Variants in RAB44 observed in about 807,000 individuals in gnomAD.
RAB44 encodes ras-related protein Rab-44.
RAB44 carries 67 observed loss-of-function variants against 93.3 expected under a neutral mutation model. The observed-to-expected ratio is 0.72, with a 90% CI of 0.59 to 0.88. The LOEUF is 0.88. Among genes scored for constraint, RAB44 ranks in the 40% least tolerant of loss-of-function variants. The pLI, the probability that RAB44 is intolerant of heterozygous loss-of-function variation, is 0.00. For missense variants in RAB44, 1,064 were observed against 1,261.7 expected (o/e 0.84, Z 2.37); for synonymous variants, 427 against 520.3 (o/e 0.82, Z 2.44).
intron 1 of RAB44, among the ~76,000 whole-genome samples, chr6:36,703,091 A>T (rs1762551254): frequency 6.6e-6 from 1 of 152,246 alleles, no homozygotes; most frequent in Non-Finnish European, 1.5e-5. Context: ...GAGGCTAGAA[A>T]GTTCAAGATT....
In RAB44 at chr6:36,715,510, C is replaced by CA; in HGVS notation, c.352dup (p.Arg118LysfsTer11). 1.3e-6 allele frequency: 2 copies of CA among 1,536,162 alleles called. No individual in the cohort carries two copies. Among genetic ancestry groups the CA allele is most frequent in the Non-Finnish European group, 1.7e-6 (2 of 1,146,910 alleles). The stretch of plus-strand genomic sequence containing the variant: ...TCTTTGGCTCCAGCCAGAGCCCCCA[C>CA]AGGCTCCGCAGAAGGAAGCCACTGC... On this transcript the variant is annotated frameshift_variant, in exon 4 of 14. Coordinates refer to ENST00000612677, the MANE Select transcript of RAB44 (RefSeq NM_001257357.2). LOFTEE classifies it high-confidence loss of function.
chr6:36,727,980 A>T (rs1173515551), intron 11 of RAB44, among the ~76,000 whole-genome samples: 1 of 152,202 alleles, frequency 6.6e-6, no homozygotes, highest in African/African-American at 2.4e-5. Context: ...AGGCTAATGT[A>T]GTTCTTGTGC....
intron 12 of RAB44, 132 bp downstream of exon 12, chr6:36,728,933 C>T: frequency 1.4e-6 from 1 of 726,586 alleles, no homozygotes. Context: ...CTGCCCCAAC[C>T]AAAGGCCTGT....
At position 36,713,862 on chromosome 6, in the gene RAB44, A is replaced by G; in HGVS notation, c.242A>G (p.Glu81Gly). The G allele has an allele frequency of 6.5e-7, 1 of 1,536,066 alleles. No individual in the cohort carries two copies. The highest frequency in any genetic ancestry group is 1.4e-5 in the African/African-American group (1 of 73,154). Residue 81 changes from glutamate to glycine, a missense_variant, in exon 3 of 14, where the codon GAG (glutamate) becomes GGG (glycine). Transcript: ENST00000612677. ...AKFSFLGSKE[E>G]SEMIFDWVDV... is the part of the protein sequence containing the mutation. ...TTCAGCTTCCTGGGCAGCAAGGAAG[A>G]GTCAGAGATGATCTTCGACTGGGTG...
chr6:36,706,598 A>C (rs1762655624), intron 2 of RAB44, among the ~76,000 whole-genome samples: 1 of 152,214 alleles, frequency 6.6e-6, no homozygotes, highest in Non-Finnish European at 1.5e-5. Flanking sequence ...CCATAAAAAG[A>C]CACTCCAGGT....
chr6:36,731,994 G>A lies in RAB44; in HGVS notation c.2976-9G>A, dbSNP rs1763374151. ...AGAGAGAGGCCTGATGCCTGGCACT[G>A]TCACATAGGTCACTCAGGATGCAAG... On this transcript the variant is annotated splice_polypyrimidine_tract_variant and intron_variant, in intron 13 of 13. Transcript: ENST00000612677. This position sits in a 1 kb window ranked among gnomAD's most constrained non-coding sequence, Gnocchi z 4.0. The A allele has an allele frequency of 6.5e-6, 8 of 1,233,730 alleles. No homozygotes were observed. The highest frequency in any genetic ancestry group is 8.1e-6 in the Non-Finnish European group (8 of 988,014). 76.4% of individuals were successfully genotyped at this position (1,233,730 alleles called of 1,614,324 possible).
At chr6:36,730,247 C>T (rs1763330075) in intron 12 of RAB44, among the ~76,000 whole-genome samples, 1 of 152,144 alleles carries the variant, frequency 6.6e-6, no homozygotes, top group Non-Finnish European at 1.5e-5. Flanking sequence ...AACAGAATGG[C>T]AATATCTACC....
intron 2 of RAB44, among the ~76,000 whole-genome samples, chr6:36,713,486 G>A (rs199763901): frequency 1.2e-4 from 18 of 152,246 alleles, no homozygotes; most frequent in Admixed American, 9.2e-4. Context: ...TTGAGCCACC[G>A]CGCCTGGCCT....
Position 36,727,771 on chromosome 6 carries a change from C to T in RAB44, c.2796+80C>T, listed in dbSNP as rs1463636111. ...ATATCCTGCCCACTCCCTCTTTTCT[C>T]CCAGGATTACAAATGACATGACAGA... On this transcript the variant is annotated intron_variant, in intron 11 of 13. Coordinates refer to ENST00000612677, the MANE Select transcript of RAB44 (RefSeq NM_001257357.2). 5 of 900,438 alleles carry T rather than the reference C, an allele frequency of 5.6e-6. No homozygotes were observed. The Admixed American group carries it at 6.1e-5, about 11-fold the overall frequency. The allele number at this position is 900,438 out of a possible 1,614,324, so 55.8% of individuals were successfully genotyped here.
intron 12 of RAB44, among the ~76,000 whole-genome samples, 156 bp from the exon 13 acceptor site, chr6:36,730,517 G>A (rs236462): frequency 0.35 from 53,618 of 151,782 alleles, 9,603 homozygotes; most frequent in Middle Eastern, 0.41. Context: ...GGCAGGGACC[G>A]TGGCCCACGC....
chr6:36,717,486 GT>G lies in RAB44; in HGVS notation c.641+69del, dbSNP rs1042040888. On this transcript the variant is annotated intron_variant, in intron 5 of 13. Coordinates refer to ENST00000612677, the MANE Select transcript of RAB44 (RefSeq NM_001257357.2). This position sits in a 1 kb window ranked among gnomAD's most constrained non-coding sequence, Gnocchi z 4.1. Reference sequence around the variant, plus strand: ...GCTCTTCACATTCCAGTGGAATCTGGTTGAATTTCCCCAGCTCCTCCTGCAG... The same window carrying G: ...GCTCTTCACATTCCAGTGGAATCTGGTGAATTTCCCCAGCTCCTCCTGCAG... 1.2e-4 allele frequency: 150 copies of G among 1,228,432 alleles called. No homozygotes were observed. The highest frequency in any genetic ancestry group is 1.5e-4 in the Non-Finnish European group (145 of 985,374). 76.1% of individuals were successfully genotyped at this position (1,228,432 alleles called of 1,614,324 possible).
chr6:36,704,871 G>A (rs1762604986), intron 2 of RAB44, among the ~76,000 whole-genome samples: 1 of 152,200 alleles, frequency 6.6e-6, no homozygotes, highest in Admixed American at 6.5e-5. Context: ...TGTAATCCCA[G>A]CACTTTGGGA....
intron 2 of RAB44, among the ~76,000 whole-genome samples, chr6:36,710,229 A>G (rs1762747686): frequency 6.6e-6 from 1 of 152,166 alleles, no homozygotes; most frequent in African/African-American, 2.4e-5. Context: ...ACCCCTGGCT[A>G]TCCCTAGTCT....
At chr6:36,713,779 A>G in intron 2 of RAB44, 49 bp from the exon 3 acceptor site, 1 of 1,187,556 alleles carries the variant, frequency 8.4e-7, no homozygotes, top group Non-Finnish European at 1.2e-6. Flanking sequence ...TTGGAGGGTG[A>G]GAGCCTTCCC....
At chr6:36,704,543 C>T in intron 2 of RAB44, 101 bp downstream of exon 2, 1 of 1,082,138 alleles carries the variant, frequency 9.2e-7, no homozygotes, top group Non-Finnish European at 1.3e-6. Context: ...ACCCCTGCCC[C>T]TTTCTCTCAT....
At chr6:36,715,130 C>T (rs115274736) in intron 3 of RAB44, among the ~76,000 whole-genome samples, 1 of 147,604 alleles carries the variant, frequency 6.8e-6, no homozygotes, top group South Asian at 2.1e-4. Context: ...CTTTTCAACT[C>T]GCACTAGAAT....
At chr6:36,711,759 C>T (rs1340125837) in intron 2 of RAB44, among the ~76,000 whole-genome samples, 1 of 152,134 alleles carries the variant, frequency 6.6e-6, no homozygotes, top group Non-Finnish European at 1.5e-5. Context: ...AAAGACCTTT[C>T]GGGCGTGGTG....
chr6:36,714,284 G>T (rs1762861301), intron 3 of RAB44, among the ~76,000 whole-genome samples: 1 of 152,178 alleles, frequency 6.6e-6, no homozygotes, highest in African/African-American at 2.4e-5. Context: ...TGATATCTAG[G>T]GGTGGGGGCT....
At position 36,727,557 on chromosome 6, in the gene RAB44, C is replaced by A; in HGVS notation, c.2682-20C>A. The A allele has an allele frequency of 1.3e-6, 2 of 1,535,770 alleles. No individual in the cohort carries two copies. The highest frequency in any genetic ancestry group is 8.8e-7 in the Non-Finnish European group (1 of 1,133,742). On this transcript the variant is annotated intron_variant, in intron 10 of 13. Transcript: ENST00000612677. ...GGGGTCTGGATGCCTGGTGTGGCCT[C>A]ATGCAGACTCTCTGGGCAGGTACCA... is the stretch of plus-strand genomic sequence containing the variant.
Sources: gnomAD v4.1 joint callset for allele counts (sites outside exome capture counted in the v4.1 genomes callset) on GRCh38, gnomAD v4.1.1 for gene constraint, Gnocchi (gnomAD v3.1) non-coding constraint, MANE v1.5 for transcripts, NCBI Gene and HGNC (gene_info 2026-07-23, HGNC 2026-07-21) for gene names.